ARHGAP29: variants seen among roughly 807,000 people sequenced by gnomAD.
The protein encoded by ARHGAP29 is rho GTPase-activating protein 29.
Under a neutral mutation model 122.6 loss-of-function variants are expected in ARHGAP29, and 43 were observed. That is an observed-to-expected ratio of 0.35 (90% CI 0.27 to 0.45). The LOEUF is 0.45. Ranked by LOEUF, ARHGAP29 falls within the 20% of genes least tolerant of loss-of-function variation. The pLI, the probability that ARHGAP29 is intolerant of heterozygous loss-of-function variation, is 1.00. For missense variants in ARHGAP29, 1,303 were observed against 1,477.2 expected (o/e 0.88, Z 1.93); for synonymous variants, 506 against 497.1 (o/e 1.02, Z -0.24).
At chr1:94,245,794 T>C (rs1429937425) in intron 1 of ARHGAP29, among the ~76,000 whole-genome samples, 3 of 152,216 alleles carry the variant, frequency 2.0e-5, no homozygotes, top group Non-Finnish European at 2.9e-5. Flanking sequence ...GAATGCTGAA[T>C]GAATAAGTGA....
upstream of ARHGAP29, among the ~76,000 whole-genome samples, chr1:94,278,986 G>T (rs1021579363): frequency 6.6e-6 from 1 of 152,208 alleles, no homozygotes; most frequent in African/African-American, 2.4e-5. Flanking sequence ...ATGCATGGGA[G>T]AATAACCTGG....
At chr1:94,194,452 A>G (rs1044318311) in intron 12 of ARHGAP29, 1 of 152,232 alleles carries the variant, frequency 6.6e-6, no homozygotes, top group Non-Finnish European at 1.5e-5. Context: ...TGCTACAACA[A>G]AAATACCACA....
At chr1:94,273,537 T>C (rs1655073536) in intron 1 of ARHGAP29, among the ~76,000 whole-genome samples, 1 of 152,216 alleles carries the variant, frequency 6.6e-6, no homozygotes, top group African/African-American at 2.4e-5. Flanking sequence ...CAAAGAAATT[T>C]AATAGAACTG....
chr1:94,199,634 A>G (rs1414276119), intron 12 of ARHGAP29, among the ~76,000 whole-genome samples: 2 of 152,196 alleles, frequency 1.3e-5, no homozygotes, highest in Non-Finnish European at 2.9e-5. Context: ...AAATCACCCC[A>G]GGGCCAGGTA....
intron 1 of ARHGAP29, among the ~76,000 whole-genome samples, chr1:94,266,565 G>C (rs1177878492): frequency 6.6e-6 from 1 of 151,956 alleles, no homozygotes; most frequent in Non-Finnish European, 1.5e-5. Flanking sequence ...TCATACTATG[G>C]CCTTTGCTTC....
chr1:94,258,029 G>A (rs1010824102), intron 1 of ARHGAP29, among the ~76,000 whole-genome samples: 2 of 152,108 alleles, frequency 1.3e-5, no homozygotes, highest in Non-Finnish European at 2.9e-5. Flanking sequence ...CCAAGTATTA[G>A]GTATGATATG....
intron 2 of ARHGAP29, among the ~76,000 whole-genome samples, chr1:94,228,675 T>G (rs928172944): frequency 2.0e-5 from 3 of 151,784 alleles, no homozygotes; most frequent in African/African-American, 7.2e-5. Flanking sequence ...TTAAACTTGT[T>G]TGTATGACAA....
intron 20 of ARHGAP29, among the ~76,000 whole-genome samples, chr1:94,178,576 C>T (rs1006169964): frequency 6.6e-6 from 1 of 152,116 alleles, no homozygotes; most frequent in African/African-American, 2.4e-5. Context: ...ACACCATTCC[C>T]ACTCCTCTGG....
chr1:94,217,255 C>T (rs1293319820), intron 3 of ARHGAP29, among the ~76,000 whole-genome samples: 2 of 152,044 alleles, frequency 1.3e-5, no homozygotes, highest in Non-Finnish European at 2.9e-5. Flanking sequence ...ATGATGGGGC[C>T]GGGAGCGGTG....
chr1:94,196,405 G>A (rs1001513857), intron 12 of ARHGAP29, among the ~76,000 whole-genome samples: 1 of 150,590 alleles, frequency 6.6e-6, no homozygotes, highest in African/African-American at 2.4e-5. Context: ...GGGACTACAG[G>A]CGCCCGCTAC....
At chr1:94,207,845 T>C (rs1199506919) in intron 5 of ARHGAP29, among the ~76,000 whole-genome samples, 1 of 151,860 alleles carries the variant, frequency 6.6e-6, no homozygotes, top group Admixed American at 6.6e-5. Context: ...TTTTTTTTTG[T>C]TTTTGTTTCT....
the ARHGAP29 span, among the ~76,000 whole-genome samples, chr1:94,284,770 G>T: frequency 6.6e-6 from 1 of 152,324 alleles, no homozygotes; most frequent in South Asian, 2.1e-4. Context: ...AGCCAATCCT[G>T]TCTAGTACAC....
chr1:94,177,828 T>C, intron 21 of ARHGAP29, 24 bp downstream of exon 21: 2 of 1,582,082 alleles, frequency 1.3e-6, no homozygotes, highest in Non-Finnish European at 1.7e-6. Flanking sequence ...AGTTCTAATA[T>C]AATTCTATAA....
chr1:94,212,909 T>G (rs1482616714), intron 3 of ARHGAP29, among the ~76,000 whole-genome samples: 2 of 152,196 alleles, frequency 1.3e-5, no homozygotes, highest in African/African-American at 2.4e-5. Context: ...CCAACTTTAC[T>G]CCTCCTTCAC....
chr1:94,256,534 A>ATTT (rs1413770496), intron 1 of ARHGAP29, among the ~76,000 whole-genome samples: 2 of 78,666 alleles, frequency 2.5e-5, no homozygotes, highest in South Asian at 4.3e-4. Flanking sequence ...AACAGTACTA[A>ATTT]TCTTTTTTTT....
intron 1 of ARHGAP29, among the ~76,000 whole-genome samples, chr1:94,234,249 C>T (rs1189657023): frequency 6.6e-6 from 1 of 152,102 alleles, no homozygotes; most frequent in Non-Finnish European, 1.5e-5. Flanking sequence ...CAATGCTTGG[C>T]GTATGAGGAA....
intron 2 of ARHGAP29, among the ~76,000 whole-genome samples, chr1:94,223,472 T>G (rs1356415715): frequency 6.6e-6 from 1 of 152,022 alleles, no homozygotes; most frequent in East Asian, 1.9e-4. Flanking sequence ...TTCGGTTAAA[T>G]GAATTAAAAC....
chr1:94,260,819 T>G (rs1157025377), intron 1 of ARHGAP29, among the ~76,000 whole-genome samples: 1 of 152,140 alleles, frequency 6.6e-6, no homozygotes, highest in African/African-American at 2.4e-5. Context: ...GGCAGAGCAT[T>G]AAGGCAGCTG....
intron 5 of ARHGAP29, among the ~76,000 whole-genome samples, chr1:94,206,799 G>C (rs989081276): frequency 2.0e-5 from 3 of 151,784 alleles, no homozygotes; most frequent in Middle Eastern, 3.4e-3. Flanking sequence ...GGGAGGCTGC[G>C]GCACAAGAAG....
Sources: allele counts gnomAD v4.1 joint callset (sites outside exome capture counted in the v4.1 genomes callset), GRCh38; gene constraint gnomAD v4.1.1; transcripts MANE v1.5; gene names NCBI Gene and HGNC (gene_info 2026-07-23, HGNC 2026-07-21).